Variants in BDH2 observed in about 807,000 individuals in gnomAD.
BDH2 encodes 3-hydroxybutyrate dehydrogenase 2, also known as dehydrogenase/reductase SDR family member 6.
Under a neutral mutation model 33.2 loss-of-function variants are expected in BDH2, and 24 were observed. That is an observed-to-expected ratio of 0.72 (90% confidence interval 0.52 to 1.02). The LOEUF (loss-of-function observed/expected upper bound fraction) is 1.02, where lower values mean the gene tolerates loss of function less well. BDH2 is among the 50% of genes least tolerant of loss of function. The probability of loss-of-function intolerance (pLI) is 0.00; values close to 1 mark genes in which losing one functional copy is unlikely to be tolerated. For missense variants in BDH2, 249 were observed against 301.6 expected, an observed-to-expected ratio of 0.83 and a Z score of 1.29; for synonymous variants, 81 against 101.6, an observed-to-expected ratio of 0.80 and a Z score of 1.22.
chr4:103,087,431 A>G (rs1013869759), intron 5 of BDH2, among the ~76,000 whole-genome samples: 5 of 152,176 alleles, frequency 3.3e-5, no homozygotes, highest in African/African-American at 1.2e-4. Flanking sequence ...AGAGTGATAA[A>G]GGTGGAGCTG....
intron 9 of BDH2, among the ~76,000 whole-genome samples, chr4:103,081,311 A>G (rs1747515435): frequency 6.6e-6 from 1 of 152,150 alleles, no homozygotes; most frequent in African/African-American, 2.4e-5. Flanking sequence ...ATATTTATTT[A>G]TTTTGAGACG....
At chr4:103,086,961 G>T (rs1228149146) in intron 5 of BDH2, among the ~76,000 whole-genome samples, 1 of 152,176 alleles carries the variant, frequency 6.6e-6, no homozygotes, top group Admixed American at 6.5e-5. Flanking sequence ...GCCTACAGGA[G>T]GCAACCAGTC....
chr4:103,087,018 TC>T (rs199916244), intron 5 of BDH2, among the ~76,000 whole-genome samples: 1,935 of 152,044 alleles, frequency 0.013, 18 homozygotes, highest in Middle Eastern at 0.024. Flanking sequence ...AGCAGAGACC[TC>T]CACAGAGATC....
At position 103,085,478 on chromosome 4, in the gene BDH2, A is replaced by G. The variant is rs1412525214; in HGVS notation, c.419-16T>C. Reference sequence around the variant, plus strand: ...TTCACAACTCCTGAGGGTGGAGGAAAGGTTCAACAATTGAAGGAATAAAAA... The same window carrying G: ...TTCACAACTCCTGAGGGTGGAGGAAGGGTTCAACAATTGAAGGAATAAAAA... On this transcript the variant is annotated splice_polypyrimidine_tract_variant and intron_variant, in intron 6 of 9. Transcript: ENST00000296424. 6.3e-7 allele frequency: 1 copy of G among 1,595,862 alleles called. No individual in the cohort carries two copies. The highest frequency in any genetic ancestry group is 1.7e-5 in the Admixed American group (1 of 59,334).
chr4:103,080,955 G>A (rs140592066), intron 9 of BDH2, among the ~76,000 whole-genome samples: 101 of 152,268 alleles, frequency 6.6e-4, no homozygotes, highest in African/African-American at 2.1e-3. Context: ...GCGCTGTCAC[G>A]GAAACATTTC....
In BDH2 at chr4:103,096,200, C is replaced by T; in HGVS notation, c.55G>A (p.Gly19Ser). 1 of 1,613,092 alleles carries T rather than the reference C, an allele frequency of 6.2e-7. No homozygotes were observed. The highest frequency in any genetic ancestry group is 1.1e-5 in the South Asian group (1 of 90,984). Residue 19 changes from glycine to serine, a missense_variant, in exon 2 of 10, where the codon GGC (glycine) becomes AGC (serine). Physicochemically the swap from Gly to Ser is moderately conservative, Grantham distance 56. Transcript: ENST00000296424. ...TAACTTACTAAGGCAGCTGCTTGGC[C>T]AATCCCCTGAGCAGCGGCCGTCAGG... ...IILTAAAQGIGQAAALAFARE... is the reference protein window; with the variant it reads ...IILTAAAQGISQAAALAFARE...
rs1747547629 is a variant in BDH2 at position 103,082,012 on chromosome 4, A to C, written c.684+69T>G. 4.7e-6 allele frequency: 6 copies of C among 1,269,990 alleles called. No individual in the cohort carries two copies. The Admixed American group carries it at 8.8e-5, about 19-fold the overall frequency. The allele number at this position is 1,269,990 out of a possible 1,614,324, so 78.7% of individuals were successfully genotyped here. ...GCCACAAACTCTCTAAAATGATATT[A>C]TTTTGATGAGCAAATTGTGGCCAAA... On this transcript the variant is annotated intron_variant, in intron 9 of 9. Coordinates refer to ENST00000296424, the MANE Select transcript of BDH2 (RefSeq NM_020139.4).
intron 5 of BDH2, among the ~76,000 whole-genome samples, chr4:103,088,599 G>C (rs1191217318): frequency 6.6e-6 from 1 of 152,128 alleles, no homozygotes; most frequent in Non-Finnish European, 1.5e-5. Context: ...TCTCTGGCAG[G>C]CATGACTATA....
In BDH2 at chr4:103,086,545, C is replaced by G. The variant is rs776738856; in HGVS notation, c.358-5G>C. 19 of 1,563,406 alleles carry G rather than the reference C, an allele frequency of 1.2e-5. No homozygotes were observed. Among genetic ancestry groups the G allele is most frequent in the Non-Finnish European group, 1.6e-5 (19 of 1,160,894 alleles). ...GCCAGATTTCTGAGCAAGCATCTGC[C>G]AAAACAAAACAAATACAAAAAAAAA... On this transcript the variant is annotated splice_region_variant and splice_polypyrimidine_tract_variant and intron_variant, in intron 5 of 9. Transcript: ENST00000296424.
chr4:103,085,298 T>A (rs1426084254), intron 7 of BDH2, 51 bp downstream of exon 7: 1 of 1,415,074 alleles, frequency 7.1e-7, no homozygotes, highest in East Asian at 2.4e-5. Flanking sequence ...AAATTGGGTG[T>A]GGAAGTGTTT....
intron 1 of BDH2, chr4:103,099,257 C>G (rs1318081081): frequency 6.6e-6 from 1 of 152,166 alleles, no homozygotes; most frequent in Non-Finnish European, 1.5e-5. Context: ...CACAGAGCAG[C>G]CTTTCTATGC....
Position 103,085,331 on chromosome 4 carries a change from C to T in BDH2, c.532+18G>A. 6.3e-7 allele frequency: 1 copy of T among 1,585,150 alleles called. No individual in the cohort carries two copies. Among genetic ancestry groups the T allele is most frequent in the South Asian group, 1.1e-5 (1 of 88,524 alleles). On this transcript the variant is annotated intron_variant, in intron 7 of 9. Coordinates refer to ENST00000296424, the MANE Select transcript of BDH2 (RefSeq NM_020139.4). Reference sequence around the variant, plus strand: ...TTTCAGTAAAACTTTGCTTACAAAACAGGTGTGCCTTACTCACCTGGGCAC... The same window carrying T: ...TTTCAGTAAAACTTTGCTTACAAAATAGGTGTGCCTTACTCACCTGGGCAC...
Position 103,091,300 on chromosome 4 carries a change from A to G in BDH2, c.249-15T>C. 3.2e-6 allele frequency: 5 copies of G among 1,548,808 alleles called. No homozygotes were observed. The highest frequency in any genetic ancestry group is 4.4e-6 in the Non-Finnish European group (5 of 1,123,810). The stretch of plus-strand genomic sequence containing the variant: ...GATGGACAAAACTAGAAGAGTGATT[A>G]AACAATGGAAGAATAACTGCCATTA... On this transcript the variant is annotated splice_polypyrimidine_tract_variant and intron_variant, in intron 4 of 9. Transcript: ENST00000296424.
intron 5 of BDH2, among the ~76,000 whole-genome samples, chr4:103,089,900 A>T (rs970158902): frequency 3.3e-5 from 5 of 152,198 alleles, no homozygotes; most frequent in African/African-American, 1.2e-4. Flanking sequence ...CCACCCAAAA[A>T]TCCCTTCTAA....
At chr4:103,091,525 A>G (rs1292104353) in intron 4 of BDH2, 2 of 417,042 alleles carry the variant, frequency 4.8e-6, no homozygotes, top group East Asian at 5.0e-5. Flanking sequence ...GTCACCGAAC[A>G]TAAGAAGCTT....
Position 103,082,926 on chromosome 4 carries a change from G to A in BDH2, c.536C>T (p.Thr179Ile). The change falls in exon 8 of 10, where the codon ACA (threonine) becomes ATA (isoleucine). Residue 179 changes from threonine to isoleucine, a missense_variant. Transcript: ENST00000296424. ...TTCTTGTAGAGATGGCGTATCAACTGTTCCTAAATCAAAGGGGGATATTCA... is the reference window on the plus strand; with the variant it reads ...TTCTTGTAGAGATGGCGTATCAACTATTCCTAAATCAAAGGGGGATATTCA... ...GIRCNCVCPG[T>I]VDTPSLQERI... The A allele has an allele frequency of 1.9e-6, 3 of 1,612,170 alleles. No individual in the cohort carries two copies. Among genetic ancestry groups the A allele is most frequent in the Non-Finnish European group, 2.5e-6 (3 of 1,178,394 alleles).
At chr4:103,092,569 A>G (rs1025629913) in intron 4 of BDH2, 31 bp downstream of exon 4, 30 of 1,457,706 alleles carry the variant, frequency 2.1e-5, no homozygotes, top group Non-Finnish European at 2.8e-5. Context: ...ACTTTCTGTA[A>G]GGAAAGTGAA....
chr4:103,091,319 G>A (rs1169827491), intron 4 of BDH2, 34 bp from the exon 5 acceptor site: 1 of 1,443,782 alleles, frequency 6.9e-7, no homozygotes, highest in South Asian at 1.2e-5. Context: ...AAGAATAACT[G>A]CCATTAAAAT....
Position 103,077,856 on chromosome 4 carries a change from G to T in BDH2, c.*1846C>A, listed in dbSNP as rs1214671481. 6.6e-6 allele frequency among the ~76,000 whole-genome samples: 1 copy of T among 152,120 alleles called. No homozygotes were observed. The highest frequency in any genetic ancestry group is 6.5e-5 in the Admixed American group (1 of 15,268). ...AATCCAAGATAGATTGGGTGACTTG[G>T]TCTAGATCACAAACCAAAGTTAGCC... On this transcript the variant is annotated 3_prime_UTR_variant, in exon 10 of 10. Coordinates refer to ENST00000296424, the MANE Select transcript of BDH2 (RefSeq NM_020139.4).
Sources: gnomAD v4.1 joint callset for allele counts (sites outside exome capture counted in the v4.1 genomes callset) on GRCh38, gnomAD v4.1.1 for gene constraint, MANE v1.5 for transcripts, NCBI Gene and HGNC (gene_info 2026-07-23, HGNC 2026-07-21) for gene names.